Variants in CDH13 observed in about 807,000 individuals in gnomAD.
CDH13 encodes cadherin-13.
In CDH13, 24 loss-of-function variants were observed where a neutral mutation model predicts 63.8. The ratio of observed to expected loss-of-function variants is 0.38; its 90% CI spans 0.27 to 0.53. CDH13 has a LOEUF of 0.53. CDH13 is among the 20% of genes least tolerant of loss of function. The pLI, the probability that CDH13 is intolerant of heterozygous loss-of-function variation, is 0.85. For missense variants in CDH13, 1,049 were observed against 903.1 expected (o/e 1.16, Z -2.07); for synonymous variants, 503 against 355.3 (o/e 1.42, Z -4.67).
chr16:82,631,862 G>C (rs1264317185), intron 1 of CDH13, among the ~76,000 whole-genome samples: 3 of 152,084 alleles, frequency 2.0e-5, no homozygotes, highest in African/African-American at 7.2e-5. Context: ...GTCACCCTCT[G>C]GCTTAGCAAG....
rs1567650019 is a variant in CDH13 at position 82,710,573 on chromosome 16, ATAT to A, written c.45+83437_45+83439del. On this transcript the variant is annotated intron_variant, in intron 1 of 13. Transcript: ENST00000567109. ...AAAAAATATATATATATATATATAT[ATAT>A]AAATATATTTCTATATTTATAAAAT... Among the ~76,000 whole-genome samples the A allele has an allele frequency of 7.0e-4, 87 of 124,694 alleles. 1 individual carries two copies. The highest frequency in any genetic ancestry group is 2.4e-3 in the African/African-American group (86 of 36,148). 81.8% of individuals were successfully genotyped at this position (124,694 alleles called of 152,430 possible).
intron 8 of CDH13, among the ~76,000 whole-genome samples, chr16:83,650,744 A>G (rs1334115714): frequency 6.6e-6 from 1 of 152,144 alleles, no homozygotes; most frequent in Non-Finnish European, 1.5e-5. Flanking sequence ...AAAGACTCTA[A>G]GTGAGATTAG....
chr16:82,739,871 C>T (rs62034478), intron 1 of CDH13, among the ~76,000 whole-genome samples: 2,983 of 152,210 alleles, frequency 0.02, 75 homozygotes, highest in Middle Eastern at 0.078. Context: ...CAAAATAACC[C>T]TTCTTTGCCC....
At chr16:83,078,856 G>A (rs1279180571) in intron 3 of CDH13, among the ~76,000 whole-genome samples, 1 of 152,092 alleles carries the variant, frequency 6.6e-6, no homozygotes, top group Non-Finnish European at 1.5e-5. Flanking sequence ...GTGCAATGGC[G>A]AGATCTTGGC....
intron 3 of CDH13, among the ~76,000 whole-genome samples, chr16:83,046,086 T>C (rs1917756824): frequency 6.6e-6 from 1 of 152,198 alleles, no homozygotes; most frequent in Admixed American, 6.5e-5. Context: ...CAAAGCCAAG[T>C]CTAGTCTCAA....
intron 1 of CDH13, among the ~76,000 whole-genome samples, chr16:82,675,499 G>A (rs868388396): frequency 6.6e-6 from 1 of 152,296 alleles, no homozygotes; most frequent in Middle Eastern, 3.4e-3. Context: ...TTCTCCTCTG[G>A]TAGGAAAAGA....
chr16:83,061,888 C>T (rs189961449), intron 3 of CDH13, among the ~76,000 whole-genome samples: 1 of 152,284 alleles, frequency 6.6e-6, no homozygotes, highest in East Asian at 1.9e-4. Context: ...CCTGAGATGT[C>T]ACAATAGTCC....
chr16:82,679,073 G>A (rs764741182), intron 1 of CDH13, among the ~76,000 whole-genome samples: 3 of 152,172 alleles, frequency 2.0e-5, no homozygotes, highest in Non-Finnish European at 2.9e-5. Flanking sequence ...AGAAATGTCT[G>A]TCTCTAGGAC....
chr16:83,124,591 A>G (rs185432850), intron 3 of CDH13, among the ~76,000 whole-genome samples: 2 of 151,864 alleles, frequency 1.3e-5, no homozygotes, highest in East Asian at 3.9e-4. Flanking sequence ...GCCGAGGCCA[A>G]TATCTGGAAG....
Position 83,252,948 on chromosome 16 carries a change from CCT to C in CDH13, c.636+35454_636+35455del, listed in dbSNP as rs530283022. On this transcript the variant is annotated intron_variant, in intron 5 of 13. Coordinates refer to ENST00000567109, the MANE Select transcript of CDH13 (RefSeq NM_001257.5). ...GGTTGACCTTAATTAACTTTCTGAA[CCT>C]CTGTGTCCTCTCTTCTAAAGTGTGT... Among the ~76,000 whole-genome samples the C allele has an allele frequency of 1.1e-3, 163 of 152,240 alleles. 1 individual carries two copies. The highest frequency in any genetic ancestry group is 6.8e-3 in the Middle Eastern group (2 of 294).
intron 3 of CDH13, among the ~76,000 whole-genome samples, chr16:83,105,442 G>C (rs147365718): frequency 7.3e-4 from 111 of 152,324 alleles, no homozygotes; most frequent in African/African-American, 2.3e-3. Context: ...CCTTCTGCCA[G>C]TTTATGAGGC....
intron 1 of CDH13, among the ~76,000 whole-genome samples, chr16:82,781,508 C>CCCA (rs1375599174): frequency 1.3e-5 from 2 of 152,198 alleles, no homozygotes; most frequent in Non-Finnish European, 2.9e-5. Context: ...CATCTGTCCA[C>CCCA]CCACTCACCC....
Position 83,080,875 on chromosome 16 carries a change from T to TTTTTTTTTG in CDH13, c.367-44502_367-44501insGTTTTTTTT, listed in dbSNP as rs1555579045. On this transcript the variant is annotated intron_variant, in intron 3 of 13. Transcript: ENST00000567109. Reference sequence around the variant, plus strand: ...AGAGTTTTGTTTTGTTTTTGTGTTTTTTTTTTTTTTTTTTTTTTTTTTTGA... The same window carrying TTTTTTTTTG: ...AGAGTTTTGTTTTGTTTTTGTGTTTTTTTTTTTTGTTTTTTTTTTTTTTTTTTTTTTTGA... 8.6e-5 allele frequency among the ~76,000 whole-genome samples: 8 copies of TTTTTTTTTG among 92,604 alleles called. 1 individual carries two copies. Among genetic ancestry groups the TTTTTTTTTG allele is most frequent in the Non-Finnish European group, 1.7e-4 (8 of 47,332 alleles). The allele number at this position is 92,604 out of a possible 152,430, so 60.8% of individuals were successfully genotyped here.
intron 2 of CDH13, among the ~76,000 whole-genome samples, chr16:82,980,626 T>C (rs769279526): frequency 1.3e-5 from 2 of 152,184 alleles, no homozygotes; most frequent in Non-Finnish European, 2.9e-5. Context: ...GGAAGATAAG[T>C]TATGGTCTCC....
chr16:82,714,086 A>G (rs1358524905), intron 1 of CDH13, among the ~76,000 whole-genome samples: 3 of 152,120 alleles, frequency 2.0e-5, no homozygotes, highest in African/African-American at 4.8e-5. Flanking sequence ...GGTGTGAGCC[A>G]CTGTACCTGA....
intron 6 of CDH13, among the ~76,000 whole-genome samples, chr16:83,364,029 G>T (rs573715077): frequency 1.3e-5 from 2 of 152,066 alleles, no homozygotes; most frequent in Non-Finnish European, 2.9e-5. Flanking sequence ...CTCCAATTTA[G>T]CTAGCTTTCT....
At chr16:82,889,314 C>G (rs1465060486) in intron 2 of CDH13, among the ~76,000 whole-genome samples, 1 of 152,052 alleles carries the variant, frequency 6.6e-6, no homozygotes, top group Non-Finnish European at 1.5e-5. Context: ...CTCTCTCTCT[C>G]TCTCTCTCTA....
intron 5 of CDH13, among the ~76,000 whole-genome samples, chr16:83,278,640 T>A (rs2089067120): frequency 6.6e-6 from 1 of 152,206 alleles, no homozygotes; most frequent in Non-Finnish European, 1.5e-5. Flanking sequence ...ATCCAGAGTT[T>A]ACTCTGGATC....
chr16:83,139,587 C>G (rs1212466804), intron 4 of CDH13, among the ~76,000 whole-genome samples: 1 of 152,138 alleles, frequency 6.6e-6, no homozygotes, highest in Non-Finnish European at 1.5e-5. Context: ...GGAAATCATT[C>G]CTAACATGCC....
Sources: allele counts gnomAD v4.1 joint callset (sites outside exome capture counted in the v4.1 genomes callset), GRCh38; gene constraint gnomAD v4.1.1; transcripts MANE v1.5; gene names NCBI Gene and HGNC (gene_info 2026-07-23, HGNC 2026-07-21).